HDAC4: variants seen among roughly 807,000 people sequenced by gnomAD.
HDAC4 encodes the protein histone deacetylase 4.
Under a neutral mutation model 135.1 loss-of-function variants are expected in HDAC4, and 16 were observed. That is an observed-to-expected ratio of 0.12 (90% confidence interval 0.08 to 0.18). The LOEUF (loss-of-function observed/expected upper bound fraction) is 0.18, where lower values mean the gene tolerates loss of function less well. Ranked by LOEUF, HDAC4 falls within the 10% of genes least tolerant of loss-of-function variation. The pLI is 1.00. For missense variants in HDAC4, 1,143 were observed against 1,511.8 expected (o/e 0.76, Z 4.05); for synonymous variants, 685 against 653.4 (o/e 1.05, Z -0.74).
At position 239,281,007 on chromosome 2, in the gene HDAC4, T is replaced by G. The variant is rs1208584608; in HGVS notation, c.23-44343A>C. Among the ~76,000 whole-genome samples the G allele has an allele frequency of 3.2e-5, 4 of 124,220 alleles. 1 individual carries two copies. The highest frequency in any genetic ancestry group is 1.3e-4 in the African/African-American group (4 of 31,360). 81.5% of individuals were successfully genotyped at this position (124,220 alleles called of 152,430 possible). On this transcript the variant is annotated intron_variant, in intron 2 of 26. Transcript: ENST00000543185. ...ACTCTACACACAATGTACACACCAC[T>G]CTCAATGTACACACCACTCTCAATG...
chr2:239,061,973 C>A (rs564499734), intron 24 of HDAC4, among the ~76,000 whole-genome samples: 1 of 152,220 alleles, frequency 6.6e-6, no homozygotes, highest in Non-Finnish European at 1.5e-5. Context: ...CCTAACCTCC[C>A]GGGGGCACGG....
chr2:239,061,218 GGTGT>G (rs897427863), intron 24 of HDAC4, among the ~76,000 whole-genome samples: 6 of 152,120 alleles, frequency 3.9e-5, no homozygotes, highest in African/African-American at 1.4e-4. Flanking sequence ...GTGCGTGTGT[GGTGT>G]GTGTGTGCAC....
intron 2 of HDAC4, among the ~76,000 whole-genome samples, chr2:239,254,612 C>T (rs1422478092): frequency 1.3e-5 from 2 of 151,824 alleles, no homozygotes; most frequent in Non-Finnish European, 2.9e-5. Flanking sequence ...AACCAGAATG[C>T]AGCACAAAGA....
intron 2 of HDAC4, among the ~76,000 whole-genome samples, chr2:239,242,077 AGAAGGAAGGAAG>A (rs143185918): frequency 1.1e-4 from 17 of 149,362 alleles, no homozygotes; most frequent in Admixed American, 9.3e-4. Context: ...AGAAAGAAAG[AGAAGGAAGGAAG>A]GAAGGAAGGA....
At position 239,320,239 on chromosome 2, in the gene HDAC4, TGGC is replaced by T. The variant is rs565963876; in HGVS notation, c.22+32436_22+32438del. 1.6e-3 allele frequency among the ~76,000 whole-genome samples: 237 copies of T among 151,758 alleles called. 1 individual carries two copies. Among genetic ancestry groups the T allele is most frequent in the African/African-American group, 5.3e-3 (221 of 41,360 alleles). ...CTCTACTTAAAATACAAAAGTTAGC[TGGC>T]GTGGTGGGAGGCGCCTGTAATCCCA... On this transcript the variant is annotated intron_variant, in intron 2 of 26. Transcript: ENST00000543185.
intron 2 of HDAC4, among the ~76,000 whole-genome samples, chr2:239,243,540 G>T (rs1192847536): frequency 6.6e-6 from 1 of 152,144 alleles, no homozygotes; most frequent in East Asian, 1.9e-4. Flanking sequence ...GAGTAGTATA[G>T]GTCACACCTC....
intron 2 of HDAC4, among the ~76,000 whole-genome samples, chr2:239,265,702 A>AG (rs111391085): frequency 6.5e-4 from 99 of 152,376 alleles, no homozygotes; most frequent in African/African-American, 2.3e-3. Flanking sequence ...CACAGCCACC[A>AG]GGCTGGGTGC....
chr2:239,387,376 G>C (rs1280146920), intron 1 of HDAC4, among the ~76,000 whole-genome samples: 1 of 152,186 alleles, frequency 6.6e-6, no homozygotes, highest in Non-Finnish European at 1.5e-5. Context: ...GCCTGGCCAG[G>C]ACCACAGGGC....
At chr2:239,074,166 AT>A (rs1227254877) in intron 22 of HDAC4, among the ~76,000 whole-genome samples, 1 of 152,244 alleles carries the variant, frequency 6.6e-6, no homozygotes, top group Non-Finnish European at 1.5e-5. Context: ...GCTTCTAATT[AT>A]TTTAATAAAG....
intron 21 of HDAC4, 97 bp downstream of exon 21, chr2:239,082,005 C>T: frequency 7.2e-7 from 1 of 1,381,544 alleles, no homozygotes; most frequent in Non-Finnish European, 1.0e-6. Flanking sequence ...GCCGCACTCA[C>T]TGCTGCCGGG....
At chr2:239,284,230 C>T (rs2051001103) in intron 2 of HDAC4, among the ~76,000 whole-genome samples, 1 of 152,212 alleles carries the variant, frequency 6.6e-6, no homozygotes, top group South Asian at 2.1e-4. Flanking sequence ...CTACAGGGAG[C>T]CGACCACAGC....
At position 239,051,905 on chromosome 2, in the gene HDAC4, A is replaced by C. The variant is rs921874347; in HGVS notation, c.*1192T>G. The C allele has an allele frequency of 6.6e-6, 1 of 151,456 alleles. No individual in the cohort carries two copies. The highest frequency in any genetic ancestry group is 2.1e-4 in the South Asian group (1 of 4,824). The allele number at this position is 151,456 out of a possible 1,614,324, so 9.4% of individuals were successfully genotyped here. ...ATTATAAATATTTTATCAAGATTTCATAAGAATCAAGTAAGTTTCTTAGCT... is the reference window on the plus strand; with the variant it reads ...ATTATAAATATTTTATCAAGATTTCCTAAGAATCAAGTAAGTTTCTTAGCT... On this transcript the variant is annotated 3_prime_UTR_variant, in exon 27 of 27. Coordinates refer to ENST00000543185, the MANE Select transcript of HDAC4 (RefSeq NM_001378414.1).
At chr2:239,055,257 G>T (rs761682727) in intron 24 of HDAC4, 36 of 267,956 alleles carry the variant, frequency 1.3e-4, no homozygotes, top group Non-Finnish European at 2.3e-4. Context: ...CAGGGCAGCG[G>T]AAGGTGGGGT....
At chr2:239,269,308 C>A (rs1559307787) in intron 2 of HDAC4, among the ~76,000 whole-genome samples, 2 of 152,002 alleles carry the variant, frequency 1.3e-5, no homozygotes, top group Non-Finnish European at 2.9e-5. Flanking sequence ...CACACATTCA[C>A]ACACCCACAC....
chr2:239,348,591 T>C (rs960994693), intron 2 of HDAC4, among the ~76,000 whole-genome samples: 2 of 152,240 alleles, frequency 1.3e-5, no homozygotes, highest in Non-Finnish European at 2.9e-5. Flanking sequence ...CAGGCCCCCG[T>C]GGGCTTTCCG....
intron 5 of HDAC4, among the ~76,000 whole-genome samples, chr2:239,169,592 G>A (rs930364570): frequency 3.3e-5 from 5 of 152,216 alleles, no homozygotes; most frequent in Admixed American, 6.5e-5. Flanking sequence ...CCCAGGCAAC[G>A]CACTAGGCAG....
Position 239,074,941 on chromosome 2 carries a change from C to T in HDAC4, c.2750+6154G>A, listed in dbSNP as rs184329980. Among the ~76,000 whole-genome samples, 279 of 152,240 alleles carry T rather than the reference C, an allele frequency of 1.8e-3. 2 individuals are homozygous for T. The highest frequency in any genetic ancestry group is 6.3e-3 in the African/African-American group (263 of 41,540). ...AAACTTTTAATAAAGAACTCAGTCT[C>T]GGCCGGGCACGGTGGCTCACACATG... On this transcript the variant is annotated intron_variant, in intron 22 of 26. Coordinates refer to ENST00000543185, the MANE Select transcript of HDAC4 (RefSeq NM_001378414.1).
intron 5 of HDAC4, among the ~76,000 whole-genome samples, chr2:239,175,572 T>A (rs145998464): frequency 1.1e-3 from 175 of 152,292 alleles, no homozygotes; most frequent in African/African-American, 3.8e-3. Context: ...GGTCTCCAGA[T>A]GTACAAACAC....
intron 4 of HDAC4, among the ~76,000 whole-genome samples, chr2:239,179,086 G>A (rs1340015964): frequency 3.3e-5 from 5 of 150,930 alleles, no homozygotes; most frequent in East Asian, 2.0e-4. Context: ...CCGGACGCCC[G>A]AGGCATAGAG....
Sources: allele counts gnomAD v4.1 joint callset (sites outside exome capture counted in the v4.1 genomes callset), GRCh38; gene constraint gnomAD v4.1.1; transcripts MANE v1.5; gene names NCBI Gene and HGNC (gene_info 2026-07-23, HGNC 2026-07-21).